The following ADAM28 variants were observed in gnomAD, a reference collection of about 807,000 sequenced individuals.
ADAM28 encodes disintegrin and metalloproteinase domain-containing protein 28.
A neutral mutation model predicts 101.2 loss-of-function variants in ADAM28; 105 were observed. The observed-to-expected ratio is 1.04, with a 90% CI of 0.89 to 1.22. The LOEUF (loss-of-function observed/expected upper bound fraction) is 1.22, where lower values mean the gene tolerates loss of function less well. Ranked by LOEUF, ADAM28 falls within the 50% of genes most tolerant of loss-of-function variation. ADAM28 has a pLI of 0.00. For synonymous variants in ADAM28, 322 were observed against 310.6 expected (o/e 1.04, Z -0.39); for missense variants, 1,028 against 945.4 (o/e 1.09, Z -1.15).
Position 24,358,023 on chromosome 8 carries a change from CTT to C in ADAM28, c.*3620_*3621del, listed in dbSNP as rs1324959073. On this transcript the variant is annotated 3_prime_UTR_variant, in exon 23 of 23. Transcript: ENST00000265769. ...CTTGTTTACTTATATAGTTGTTTCT[CTT>C]GTTTACTTAATAACATTCTCTTCTT... The C allele has an allele frequency of 6.6e-6, 1 of 152,102 alleles. No homozygotes were observed. The highest frequency in any genetic ancestry group is 1.5e-5 in the Non-Finnish European group (1 of 67,998). 9.4% of individuals were successfully genotyped at this position (152,102 alleles called of 1,614,324 possible).
chr8:24,329,496 G>A (rs1442402310), intron 10 of ADAM28, among the ~76,000 whole-genome samples: 1 of 152,100 alleles, frequency 6.6e-6, no homozygotes, highest in Non-Finnish European at 1.5e-5. Flanking sequence ...TTGGCTATAG[G>A]CTGGATTTCA....
chr8:24,299,053 C>T (rs1029497174), intron 1 of ADAM28, among the ~76,000 whole-genome samples: 3 of 150,528 alleles, frequency 2.0e-5, no homozygotes, highest in Non-Finnish European at 4.4e-5. Flanking sequence ...AAAAGCCAGG[C>T]ATGGTGGTGC....
rs1816557513 is a variant in ADAM28 at position 24,354,675 on chromosome 8, C to T, written c.*271C>T. ...AAAGAAATATCTCCGAAGTTAAAAT[C>T]TGTAATAGGAATTGATTCATTCTCT... On this transcript the variant is annotated 3_prime_UTR_variant, in exon 23 of 23. Coordinates refer to ENST00000265769, the MANE Select transcript of ADAM28 (RefSeq NM_014265.6). 2 of 313,538 alleles carry T rather than the reference C, an allele frequency of 6.4e-6. No homozygotes were observed. The highest frequency in any genetic ancestry group is 1.4e-4 in the South Asian group (2 of 13,982). 19.4% of individuals were successfully genotyped at this position (313,538 alleles called of 1,614,324 possible).
rs143668856 is a variant in ADAM28, at chr8:24,335,604, C to T, written c.1530C>T (p.Pro510=). 7 of 1,612,998 alleles carry T rather than the reference C, an allele frequency of 4.3e-6. No homozygotes were observed. The African/African-American group carries it at 8.0e-5, about 18-fold the overall frequency. Residue 510 remains proline (P), a synonymous_variant, in exon 14 of 23, where the codon CCC becomes CCT. Transcript: ENST00000265769. The part of the protein sequence containing the change: ...GKGHCLMGTC[P]TLQEQCTELW... ...GCCACTGCTTGATGGGGACATGCCC[C>T]ACACTGCAGGAGCAGTGCACAGAGC...
Position 24,330,063 on chromosome 8 carries a change from G to A in ADAM28, c.1051G>A (p.Asp351Asn), listed in dbSNP as rs937561178. 2.5e-6 allele frequency: 4 copies of A among 1,613,654 alleles called. No homozygotes were observed. The highest frequency in any genetic ancestry group is 2.2e-5 in the East Asian group (1 of 44,850). The change falls in exon 11 of 23, where the codon GAC becomes AAC. Residue 351 changes from aspartate to asparagine, a missense_variant. Coordinates refer to ENST00000265769, the MANE Select transcript of ADAM28 (RefSeq NM_014265.6). ...CCACAACTTTGGAATGTTTCATGAC[G>A]ACTATTCTTGCAAGTGTCCTTCTAC... ...MGHNFGMFHD[D>N]YSCKCPSTIC...
rs1383459508 is a variant in ADAM28, at chr8:24,331,194, A to G, written c.1148A>G (p.Tyr383Cys). The G allele has an allele frequency of 1.9e-6, 3 of 1,613,506 alleles. No individual in the cohort carries two copies. The highest frequency in any genetic ancestry group is 1.1e-5 in the South Asian group (1 of 90,988). ...TDFSSCSRLS[Y>C]DKFFEDKLSN... is the part of the protein sequence containing the mutation. ...TTCAGTTCCTGCAGCCGTCTCAGCTATGACAAGTTTTTTGAAGATAAATTA... is the reference window on the plus strand; with the variant it reads ...TTCAGTTCCTGCAGCCGTCTCAGCTGTGACAAGTTTTTTGAAGATAAATTA... Residue 383 changes from tyrosine (Y) to cysteine (C), a missense_variant, in exon 12 of 23, where the codon TAT becomes TGT. Tyr to Cys is a radical substitution (Grantham distance 194). Transcript: ENST00000265769.
chr8:24,313,009 A>G (rs1300754592), intron 5 of ADAM28, among the ~76,000 whole-genome samples: 1 of 152,198 alleles, frequency 6.6e-6, no homozygotes, highest in Non-Finnish European at 1.5e-5. Flanking sequence ...TAAAGCCAGT[A>G]TATTAACACT....
At chr8:24,313,758 A>ATTTT (rs11458720) in intron 6 of ADAM28, among the ~76,000 whole-genome samples, 178 bp downstream of exon 6, 2,221 of 139,228 alleles carry the variant, frequency 0.016, 65 homozygotes, top group African/African-American at 0.055. Context: ...GGAATCAACT[A>ATTTT]TTTTTTTTTT....
At position 24,313,439 on chromosome 8, in the gene ADAM28, C is replaced by A; in HGVS notation, c.435C>A (p.Pro145=). The A allele has an allele frequency of 6.2e-7, 1 of 1,613,680 alleles. No individual in the cohort carries two copies. The highest frequency in any genetic ancestry group is 8.5e-7 in the Non-Finnish European group (1 of 1,179,766). ...GATACTTTATTGAACCTTTAAGCCC[C>A]ATACATCGGGATGGACAGGAGCATG... ...DQRYFIEPLS[P]IHRDGQEHAL... is the part of the protein sequence containing the mutation. The change falls in exon 6 of 23, where the codon CCC becomes CCA. Residue 145 remains proline, a synonymous_variant. Transcript: ENST00000265769.
intron 10 of ADAM28, among the ~76,000 whole-genome samples, chr8:24,327,724 A>G (rs190100812): frequency 7.2e-5 from 11 of 152,270 alleles, no homozygotes; most frequent in Admixed American, 7.2e-4. Context: ...GGCCTCAGAA[A>G]TAATACTACA....
chr8:24,327,092 G>C (rs2129298536), intron 10 of ADAM28, among the ~76,000 whole-genome samples: 1 of 152,194 alleles, frequency 6.6e-6, no homozygotes, highest in Non-Finnish European at 1.5e-5. Context: ...AATAGAAAGA[G>C]AGGAAGTCAA....
intron 2 of ADAM28, among the ~76,000 whole-genome samples, chr8:24,306,913 G>C (rs1393630742): frequency 6.6e-6 from 1 of 152,046 alleles, no homozygotes; most frequent in Non-Finnish European, 1.5e-5. Flanking sequence ...AGGGTTCTTG[G>C]GTTCTGCCAT....
intron 2 of ADAM28, among the ~76,000 whole-genome samples, chr8:24,302,457 G>A (rs1480366783): frequency 6.6e-6 from 1 of 152,204 alleles, no homozygotes; most frequent in Non-Finnish European, 1.5e-5. Context: ...TATATACCCA[G>A]TAATGGGATT....
intron 20 of ADAM28, 48 bp from the exon 21 acceptor site, chr8:24,351,939 G>T: frequency 6.3e-7 from 1 of 1,593,370 alleles, no homozygotes. Context: ...TAAAAACTGT[G>T]CTTATGAAAC....
intron 2 of ADAM28, among the ~76,000 whole-genome samples, chr8:24,306,608 T>TAAAC: frequency 6.6e-6 from 1 of 151,998 alleles, no homozygotes; most frequent in Admixed American, 6.6e-5. Flanking sequence ...AAATTTCAAA[T>TAAAC]AAACAACAAA....
intron 21 of ADAM28, among the ~76,000 whole-genome samples, 190 bp from the exon 22 acceptor site, chr8:24,353,580 G>A (rs966450621): frequency 2.0e-5 from 3 of 152,076 alleles, no homozygotes; most frequent in Admixed American, 6.6e-5. Context: ...CAACGGGCTT[G>A]GAGTGGTTAA....
At chr8:24,334,173 T>C (rs1380424567) in intron 13 of ADAM28, among the ~76,000 whole-genome samples, 1 of 152,228 alleles carries the variant, frequency 6.6e-6, no homozygotes. Context: ...GATATACATA[T>C]ATGAAACATA....
At chr8:24,305,654 G>GA (rs1345452127) in intron 2 of ADAM28, among the ~76,000 whole-genome samples, 1 of 151,634 alleles carries the variant, frequency 6.6e-6, no homozygotes, top group African/African-American at 2.4e-5. Flanking sequence ...GATAATTGAA[G>GA]AAAAAATTAC....
chr8:24,348,996 G>A (rs74631000), intron 18 of ADAM28, among the ~76,000 whole-genome samples: 2,199 of 152,216 alleles, frequency 0.014, 58 homozygotes, highest in African/African-American at 0.05. Flanking sequence ...GGAATCTTAT[G>A]GAGGGTGGCG....
Sources: gnomAD v4.1 joint callset for allele counts (sites outside exome capture counted in the v4.1 genomes callset) on GRCh38, gnomAD v4.1.1 for gene constraint, MANE v1.5 for transcripts, NCBI Gene and HGNC (gene_info 2026-07-23, HGNC 2026-07-21) for gene names.